Variants in MGST1 observed in about 807,000 individuals in gnomAD.
The protein encoded by MGST1 is microsomal glutathione S-transferase 1, also known as glutathione S-transferase 12.
MGST1 carries 5 observed loss-of-function variants against 8.9 expected under a neutral mutation model. That is an observed-to-expected ratio of 0.56 (90% CI 0.29 to 1.19). The LOEUF (loss-of-function observed/expected upper bound fraction) is 1.19. MGST1 is among the 50% of genes most tolerant of loss of function. MGST1 has a pLI of 0.08. For synonymous variants in MGST1, 54 were observed against 67.8 expected (o/e 0.80, Z 1.00); for missense variants, 182 against 187.4 (o/e 0.97, Z 0.17).
At chr12:16,469,265 A>G (rs1941276561) in intron 4 of MGST1, among the ~76,000 whole-genome samples, 1 of 146,786 alleles carries the variant, frequency 6.8e-6, no homozygotes, top group Admixed American at 7.1e-5. Context: ...CTCTCACTGC[A>G]ACCTCTGTCT....
chr12:16,540,458 T>C (rs1394760462), intron 4 of MGST1, among the ~76,000 whole-genome samples: 1 of 152,138 alleles, frequency 6.6e-6, no homozygotes. Context: ...GAACTGAATA[T>C]GTGTTCTTAG....
At chr12:16,382,839 G>T in exon 1 of MGST1, 1 of 153,402 alleles carries the variant, frequency 6.5e-6, no homozygotes, top group Non-Finnish European at 1.5e-5. Context: ...AACTAACTCA[G>T]CAATGGTGGG....
chr12:16,433,672 C>A (rs1591726860), intron 1 of MGST1, among the ~76,000 whole-genome samples: 1 of 152,190 alleles, frequency 6.6e-6, no homozygotes. Context: ...AATACAACCT[C>A]ATGGAAACAT....
intron 4 of MGST1, among the ~76,000 whole-genome samples, chr12:16,455,635 A>C (rs1295823596): frequency 6.6e-6 from 1 of 151,914 alleles, no homozygotes; most frequent in East Asian, 1.9e-4. Flanking sequence ...CAAGTGAAAA[A>C]TAATCTATGC....
chr12:16,433,772 A>G (rs898133650), intron 1 of MGST1, among the ~76,000 whole-genome samples: 38 of 152,014 alleles, frequency 2.5e-4, no homozygotes, highest in African/African-American at 8.7e-4. Context: ...ACACATACAC[A>G]TCCCAATCCA....
intron 4 of MGST1, among the ~76,000 whole-genome samples, chr12:16,530,566 A>G (rs1365891383): frequency 6.6e-6 from 1 of 152,126 alleles, no homozygotes; most frequent in African/African-American, 2.4e-5. Context: ...GGCAAATGGG[A>G]AAGAAGTGAC....
intron 1 of MGST1, among the ~76,000 whole-genome samples, chr12:16,384,111 G>A (rs1384603677): frequency 6.6e-6 from 1 of 152,102 alleles, no homozygotes; most frequent in South Asian, 2.1e-4. Flanking sequence ...CAGAGAGAAT[G>A]GATCTTGGGT....
chr12:16,432,727 C>CAG (rs1158164391), intron 1 of MGST1, among the ~76,000 whole-genome samples: 14,214 of 128,106 alleles, frequency 0.11, 820 homozygotes, highest in South Asian at 0.15. Flanking sequence ...CACACACACA[C>CAG]ACACAGAGAG....
At chr12:16,549,284 G>A (rs555772536) in intron 4 of MGST1, 3 of 152,062 alleles carry the variant, frequency 2.0e-5, no homozygotes, top group Admixed American at 6.6e-5. Flanking sequence ...TATTTTTGTG[G>A]GCCCCAAATA....
At chr12:16,481,553 T>C (rs1941364702) in intron 4 of MGST1, among the ~76,000 whole-genome samples, 1 of 152,184 alleles carries the variant, frequency 6.6e-6, no homozygotes, top group African/African-American at 2.4e-5. Flanking sequence ...CCAGTATATT[T>C]AGAAAATATT....
In MGST1 at chr12:16,487,280, AACCAAC is replaced by A. The variant is rs998281778; in HGVS notation, n.483-102234_483-102229del. Among the ~76,000 whole-genome samples, 16 of 152,338 alleles carry A rather than the reference AACCAAC, an allele frequency of 1.1e-4. 1 individual carries two copies. The highest frequency in any genetic ancestry group is 4.1e-4 in the South Asian group (2 of 4,824). On this transcript the variant is annotated intron_variant and non_coding_transcript_variant, in intron 4 of 4. Coordinates refer to the MGST1 transcript ENST00000538857. ...ATTAGGTTTTGCAAAACAAACAAAA[AACCAAC>A]ACCAACACCAACAACAAAAAAACAA...
chr12:16,569,509 CT>C (rs931943800), intron 4 of MGST1, among the ~76,000 whole-genome samples: 4 of 152,128 alleles, frequency 2.6e-5, no homozygotes, highest in African/African-American at 9.7e-5. Context: ...TTTCCAAAGC[CT>C]TACGAGCAGG....
In MGST1 at chr12:16,363,647, CA is replaced by C; in HGVS notation, c.222-146del. The C allele has an allele frequency of 1.6e-6, 1 of 616,262 alleles. No individual in the cohort carries two copies. The highest frequency in any genetic ancestry group is 2.5e-6 in the Non-Finnish European group (1 of 399,474). 38.2% of individuals were successfully genotyped at this position (616,262 alleles called of 1,614,324 possible). On this transcript the variant is annotated intron_variant, in intron 3 of 3. Coordinates refer to ENST00000396210, the MANE Select transcript of MGST1 (RefSeq NM_020300.5). This position sits in a 1 kb window ranked among gnomAD's most constrained non-coding sequence, Gnocchi z 4.6. The stretch of plus-strand genomic sequence containing the variant: ...AATAAAAGTCAAGTGGGCAAGGAAG[CA>C]AGACAATTTGAGAGAAAAAAAATAA...
At chr12:16,536,086 T>A (rs1179546262) in intron 4 of MGST1, among the ~76,000 whole-genome samples, 1 of 80,970 alleles carries the variant, frequency 1.2e-5, no homozygotes, top group Non-Finnish European at 3.2e-5. Flanking sequence ...TGTGTGAGTG[T>A]GTGTGTGTGT....
At chr12:16,435,992 T>TACACACACACACAC (rs35784515) in intron 1 of MGST1, among the ~76,000 whole-genome samples, 2 of 149,276 alleles carry the variant, frequency 1.3e-5, no homozygotes, top group African/African-American at 4.9e-5. Flanking sequence ...CTGCTGCAAA[T>TACACACACACACAC]ACACACACAC....
downstream of MGST1, among the ~76,000 whole-genome samples, chr12:16,592,042 G>T (rs966468350): frequency 5.1e-4 from 78 of 151,974 alleles, no homozygotes; most frequent in African/African-American, 1.8e-3. Context: ...TTGCTCTTAA[G>T]TTCTTTCCAA....
chr12:16,578,829 AC>A (rs2137516613), intron 4 of MGST1, among the ~76,000 whole-genome samples: 1 of 137,710 alleles, frequency 7.3e-6, no homozygotes, highest in East Asian at 1.9e-4. Context: ...AACAACAACA[AC>A]AACAACAACA....
At chr12:16,409,928 T>C (rs1256187960) in intron 1 of MGST1, among the ~76,000 whole-genome samples, 1 of 152,140 alleles carries the variant, frequency 6.6e-6, no homozygotes, top group Non-Finnish European at 1.5e-5. Context: ...AGATAACATA[T>C]ATTAACAAAT....
At chr12:16,376,299 G>A (rs1463300230) in exon 4 of MGST1, 2 of 477,000 alleles carry the variant, frequency 4.2e-6, no homozygotes, top group Non-Finnish European at 7.4e-6. Flanking sequence ...GATTATCCAC[G>A]GCTGTTAACA....
Sources: allele counts gnomAD v4.1 joint callset (sites outside exome capture counted in the v4.1 genomes callset), GRCh38; gene constraint gnomAD v4.1.1; non-coding constraint Gnocchi (gnomAD v3.1); transcripts MANE v1.5; gene names NCBI Gene and HGNC (gene_info 2026-07-23, HGNC 2026-07-21).